FHIP1A: variants seen among roughly 807,000 people sequenced by gnomAD.
The protein encoded by FHIP1A is FHF complex subunit HOOK-interacting protein 1A.
Under a neutral mutation model 88.6 loss-of-function variants are expected in FHIP1A, and 61 were observed. The observed-to-expected ratio is 0.69, with a 90% CI of 0.56 to 0.85. FHIP1A has a LOEUF of 0.85. Among genes scored for constraint, FHIP1A ranks in the 40% least tolerant of loss-of-function variants. The pLI, the probability that FHIP1A is intolerant of heterozygous loss-of-function variation, is 0.00. For missense variants in FHIP1A, 1,154 were observed against 1,273.5 expected (o/e 0.91, Z 1.43); for synonymous variants, 478 against 496.0 (o/e 0.96, Z 0.48).
chr4:151,625,671 A>G (rs1312744902), intron 7 of FHIP1A, among the ~76,000 whole-genome samples: 2 of 152,182 alleles, frequency 1.3e-5, no homozygotes, highest in Admixed American at 6.5e-5. Flanking sequence ...GTTTTATAGA[A>G]GTAGAATGTG....
At chr4:151,520,869 T>C (rs1731421010) in intron 3 of FHIP1A, among the ~76,000 whole-genome samples, 1 of 152,230 alleles carries the variant, frequency 6.6e-6, no homozygotes, top group Non-Finnish European at 1.5e-5. Context: ...TCAAAAAGGC[T>C]TTCTTAGAAC....
intron 1 of FHIP1A, among the ~76,000 whole-genome samples, chr4:151,423,527 G>T (rs911583366): frequency 6.6e-6 from 1 of 152,146 alleles, no homozygotes; most frequent in Admixed American, 6.6e-5. Flanking sequence ...TGGTAAATAT[G>T]TGACCTTGCA....
rs1009885720 is a variant in FHIP1A, at chr4:151,663,747, G to A, written c.*993G>A. On this transcript the variant is annotated 3_prime_UTR_variant, in exon 14 of 14. Transcript: ENST00000435205. ...ATTATTTAAAATTCTATTCCCTTTTGCTAGTAAGCTGCACTTTGTAGAGAA... is the reference window on the plus strand; with the variant it reads ...ATTATTTAAAATTCTATTCCCTTTTACTAGTAAGCTGCACTTTGTAGAGAA... 4 of 152,130 alleles carry A rather than the reference G, an allele frequency of 2.6e-5. No homozygotes were observed. The highest frequency in any genetic ancestry group is 9.7e-5 in the African/African-American group (4 of 41,412). The allele number at this position is 152,130 out of a possible 1,614,324, so 9.4% of individuals were successfully genotyped here. A position where few individuals can be genotyped will look rare whatever the true frequency, so the allele number is the denominator to read the frequency against.
At chr4:151,580,411 A>G (rs1733976621) in intron 5 of FHIP1A, among the ~76,000 whole-genome samples, 1 of 152,234 alleles carries the variant, frequency 6.6e-6, no homozygotes, top group South Asian at 2.1e-4. Flanking sequence ...ACCTGTGTTA[A>G]GTTGTCCCAC....
intron 1 of FHIP1A, among the ~76,000 whole-genome samples, chr4:151,416,346 A>G (rs1251276673): frequency 6.6e-6 from 1 of 152,160 alleles, no homozygotes; most frequent in Non-Finnish European, 1.5e-5. Flanking sequence ...CTCAAAATGA[A>G]TATCTTCTAT....
In FHIP1A at chr4:151,650,343, G is replaced by A. The variant is rs1056820406; in HGVS notation, c.2302G>A (p.Gly768Ser). 36 of 1,551,592 alleles carry A rather than the reference G, an allele frequency of 2.3e-5. No homozygotes were observed. In the African/African-American group the frequency reaches 4.1e-4, roughly 18 times the overall value. ...IIKELDSGAE[G>S]LMEQNYPTPD... ...TAAAGAGCTGGATTCCGGCGCCGAG[G>A]GCTTGATGGAACAGAATTACCCCAC... The change falls in exon 11 of 14, where the codon GGC becomes AGC. Residue 768 changes from glycine to serine, a missense_variant. Coordinates refer to ENST00000435205, the MANE Select transcript of FHIP1A (RefSeq NM_001109977.3).
intron 6 of FHIP1A, 65 bp from the exon 7 acceptor site, chr4:151,588,775 G>A: frequency 9.7e-7 from 1 of 1,035,904 alleles, no homozygotes; most frequent in East Asian, 2.6e-5. Context: ...ACACAGAATT[G>A]TTTTATTTTA....
chr4:151,489,982 G>A (rs2126645653), intron 3 of FHIP1A, among the ~76,000 whole-genome samples: 1 of 152,250 alleles, frequency 6.6e-6, no homozygotes, highest in African/African-American at 2.4e-5. Context: ...TGTAGGGCAA[G>A]GTTATATCCC....
chr4:151,450,260 G>T (rs1728745277), intron 1 of FHIP1A, among the ~76,000 whole-genome samples: 1 of 151,910 alleles, frequency 6.6e-6, no homozygotes, highest in East Asian at 1.9e-4. Context: ...CAGCCTAATA[G>T]TTTTTTTATA....
intron 5 of FHIP1A, 34 bp downstream of exon 5, chr4:151,578,110 C>T: frequency 6.6e-7 from 1 of 1,526,042 alleles, no homozygotes; most frequent in Non-Finnish European, 8.8e-7. Context: ...TTTCCACTCA[C>T]TCCCTTTTTT....
Position 151,526,949 on chromosome 4 carries a change from C to T in FHIP1A, c.-122-39189C>T, listed in dbSNP as rs547071862. 2.4e-3 allele frequency among the ~76,000 whole-genome samples: 361 copies of T among 151,892 alleles called. 1 individual carries two copies. Among genetic ancestry groups the T allele is most frequent in the Non-Finnish European group, 3.6e-3 (243 of 67,930 alleles). The stretch of plus-strand genomic sequence containing the variant: ...TGGGCGGCCGGGCAGAGACGCTCCT[C>T]ACTTCCCAGATGGGATGGCGGCTGG... On this transcript the variant is annotated intron_variant, in intron 3 of 13. Transcript: ENST00000435205.
chr4:151,569,508 C>A (rs1024506666), intron 4 of FHIP1A, among the ~76,000 whole-genome samples: 9 of 151,528 alleles, frequency 5.9e-5, no homozygotes, highest in African/African-American at 2.2e-4. Context: ...GCCGAAATTG[C>A]GCCACTGCAC....
intron 1 of FHIP1A, among the ~76,000 whole-genome samples, chr4:151,440,008 A>C (rs1728346467): frequency 6.6e-6 from 1 of 152,220 alleles, no homozygotes; most frequent in Admixed American, 6.5e-5. Flanking sequence ...GGTCATTTAT[A>C]AAGAAAAGAG....
chr4:151,457,214 C>G (rs1043630805), intron 2 of FHIP1A, among the ~76,000 whole-genome samples: 1 of 152,086 alleles, frequency 6.6e-6, no homozygotes, highest in Non-Finnish European at 1.5e-5. Context: ...TAGTTATGTC[C>G]TTTTATCATT....
chr4:151,512,827 T>C (rs1037570785), intron 3 of FHIP1A, among the ~76,000 whole-genome samples: 7 of 152,196 alleles, frequency 4.6e-5, no homozygotes, highest in Non-Finnish European at 1.0e-4. Context: ...TACCGCTGAT[T>C]GGTGTACCTG....
chr4:151,527,755 CT>C (rs1731733264), intron 3 of FHIP1A, among the ~76,000 whole-genome samples: 3 of 152,214 alleles, frequency 2.0e-5, no homozygotes, highest in African/African-American at 7.2e-5. Flanking sequence ...AACCATAGTT[CT>C]TTTGATTGTG....
chr4:151,430,279 A>G (rs759975915), intron 1 of FHIP1A, among the ~76,000 whole-genome samples: 1 of 152,192 alleles, frequency 6.6e-6, no homozygotes, highest in Admixed American at 6.5e-5. Context: ...GTTTTTTACT[A>G]GAAAGGAATG....
chr4:151,553,824 G>GCAAA (rs1187629165), intron 3 of FHIP1A, among the ~76,000 whole-genome samples: 61 of 152,252 alleles, frequency 4.0e-4, no homozygotes, highest in Middle Eastern at 3.4e-3. Context: ...TTATGTCCAA[G>GCAAA]CAAACAAACA....
At chr4:151,560,894 G>A (rs531405624) in intron 3 of FHIP1A, among the ~76,000 whole-genome samples, 3 of 151,846 alleles carry the variant, frequency 2.0e-5, no homozygotes, top group Non-Finnish European at 2.9e-5. Context: ...AAGCTTTATC[G>A]AGGTATAATT....
Sources: gnomAD v4.1 joint callset for allele counts (sites outside exome capture counted in the v4.1 genomes callset) on GRCh38, gnomAD v4.1.1 for gene constraint, MANE v1.5 for transcripts, NCBI Gene and HGNC (gene_info 2026-07-23, HGNC 2026-07-21) for gene names.